RHOA: variants seen among roughly 807,000 people sequenced by gnomAD.
RHOA encodes ras homolog family member A.
In RHOA, 3 loss-of-function variants were observed where a neutral mutation model predicts 17.5. That is an observed-to-expected ratio of 0.17 (90% CI 0.08 to 0.44). The LOEUF (loss-of-function observed/expected upper bound fraction) is 0.44, where lower values mean the gene tolerates loss of function less well. RHOA is among the 20% of genes least tolerant of loss of function. The pLI is 0.99. For missense variants in RHOA, 56 were observed against 242.3 expected (o/e 0.23, Z 5.10); for synonymous variants, 98 against 88.4 (o/e 1.11, Z -0.61).
At chr3:49,368,980 T>G (rs1040826724) in intron 2 of RHOA, among the ~76,000 whole-genome samples, 3 of 144,976 alleles carry the variant, frequency 2.1e-5, no homozygotes, top group Non-Finnish European at 3.0e-5. Flanking sequence ...GTGTTGGGAT[T>G]GCAGGCGTGA....
At chr3:49,385,545 T>G (rs907246508) in intron 1 of RHOA, among the ~76,000 whole-genome samples, 1 of 152,114 alleles carries the variant, frequency 6.6e-6, no homozygotes, top group African/African-American at 2.4e-5. Context: ...CTCAGTTGTT[T>G]TTTTTATTTT....
chr3:49,405,126 C>A (rs2048805847), intron 1 of RHOA, among the ~76,000 whole-genome samples: 1 of 148,260 alleles, frequency 6.7e-6, no homozygotes, highest in African/African-American at 2.5e-5. Context: ...GGCGTGGTGG[C>A]GGGCACCTGT....
chr3:49,383,351 T>C (rs1439001272), intron 1 of RHOA, among the ~76,000 whole-genome samples: 1 of 143,622 alleles, frequency 7.0e-6, no homozygotes, highest in Non-Finnish European at 1.5e-5. Flanking sequence ...ACCCGGAAGG[T>C]GGAGCTTGCA....
intron 3 of RHOA, among the ~76,000 whole-genome samples, chr3:49,363,831 G>A (rs1449480666): frequency 6.6e-6 from 1 of 152,048 alleles, no homozygotes; most frequent in Non-Finnish European, 1.5e-5. Flanking sequence ...ACTCCAGCCT[G>A]GGCAACAGAG....
intron 1 of RHOA, among the ~76,000 whole-genome samples, chr3:49,410,160 T>C (rs2048908477): frequency 6.6e-6 from 1 of 152,192 alleles, no homozygotes; most frequent in African/African-American, 2.4e-5. Flanking sequence ...TGGAATAAGC[T>C]AGAAGTCCTG....
chr3:49,368,805 T>C (rs1215124334), intron 2 of RHOA, among the ~76,000 whole-genome samples: 1 of 150,926 alleles, frequency 6.6e-6, no homozygotes, highest in African/African-American at 2.4e-5. Context: ...TCTCCCGGGT[T>C]CACACCATTC....
intron 1 of RHOA, among the ~76,000 whole-genome samples, chr3:49,392,085 C>T (rs986581261): frequency 4.0e-5 from 6 of 151,824 alleles, no homozygotes; most frequent in South Asian, 2.1e-4. Flanking sequence ...CCTCAGCCCC[C>T]GCAAAGTGCT....
intron 1 of RHOA, among the ~76,000 whole-genome samples, chr3:49,404,203 C>T (rs1052133921): frequency 1.1e-4 from 17 of 147,838 alleles, no homozygotes; most frequent in East Asian, 4.0e-4. Context: ...CTAGGGAGGA[C>T]GAGGCGTAAG....
At chr3:49,366,458 C>T (rs1307523716) in intron 3 of RHOA, 1 of 152,112 alleles carries the variant, frequency 6.6e-6, no homozygotes, top group Non-Finnish European at 1.5e-5. Context: ...CAAAAATCAC[C>T]CAGGCGTGGG....
chr3:49,377,994 C>A (rs971597671), intron 1 of RHOA, among the ~76,000 whole-genome samples: 2 of 151,256 alleles, frequency 1.3e-5, no homozygotes, highest in Admixed American at 6.6e-5. Context: ...ACAAAAAATT[C>A]AAAACTTAGC....
chr3:49,400,754 G>A (rs898060458), intron 1 of RHOA, among the ~76,000 whole-genome samples: 3 of 151,454 alleles, frequency 2.0e-5, no homozygotes, highest in Non-Finnish European at 4.4e-5. Flanking sequence ...ATATAAAAGG[G>A]TTAATTTCCA....
intron 4 of RHOA, chr3:49,360,864 A>C (rs1183334864): frequency 3.8e-6 from 1 of 261,522 alleles, no homozygotes; most frequent in East Asian, 1.6e-4. Flanking sequence ...TCACGAGTTT[A>C]GGAGATCAAG....
intron 1 of RHOA, among the ~76,000 whole-genome samples, chr3:49,381,962 G>A (rs1440113823): frequency 6.6e-6 from 1 of 151,706 alleles, no homozygotes; most frequent in Non-Finnish European, 1.5e-5. Flanking sequence ...GAGGTGGGAA[G>A]ACAGCTAGAG....
chr3:49,394,241 C>T (rs1219033231), intron 1 of RHOA, among the ~76,000 whole-genome samples: 1 of 151,188 alleles, frequency 6.6e-6, no homozygotes, highest in African/African-American at 2.4e-5. Flanking sequence ...CCTGACCTCG[C>T]GATCTGCCTG....
intron 2 of RHOA, among the ~76,000 whole-genome samples, chr3:49,374,177 C>T (rs1193838703): frequency 1.3e-5 from 2 of 151,640 alleles, no homozygotes; most frequent in African/African-American, 2.4e-5. Flanking sequence ...GGTGAAACCC[C>T]GTCTCTACTA....
Position 49,375,428 on chromosome 3 carries a change from A to C in RHOA, c.156+6T>G, listed in dbSNP as rs2107849025. The C allele has an allele frequency of 6.2e-7, 1 of 1,605,906 alleles. No homozygotes were observed. Among genetic ancestry groups the C allele is most frequent in the South Asian group, 1.1e-5 (1 of 89,530 alleles). Reference sequence around the variant, plus strand: ...TGGCATCAGTTGTTATGAAAAGTATACTCACCTGCTTTCCATCCACCTCGA... The same window carrying C: ...TGGCATCAGTTGTTATGAAAAGTATCCTCACCTGCTTTCCATCCACCTCGA... On this transcript the variant is annotated splice_donor_region_variant and intron_variant, in intron 2 of 4. Transcript: ENST00000418115.
Position 49,360,379 on chromosome 3 carries a change from G to T in RHOA, c.412C>A (p.Pro138Thr). ...TCTCTGCCTTCTTCAGGTTTCACCG[G>T]CTCCTAGCAAAGAAAAAAAAATAGT... ...RRELAKMKQEPVKPEEGRDMA... is the reference protein window; with the variant it reads ...RRELAKMKQETVKPEEGRDMA... Residue 138 changes from proline to threonine, a missense_variant, in exon 5 of 5, where the codon CCG becomes ACG. By Grantham distance (38) the Pro-to-Thr change is conservative (BLOSUM62 -1). Around this residue, in one of 2 missense-constraint regions of RHOA, gnomAD observed 39 missense variants for 86.0 expected, o/e 0.45. Coordinates refer to ENST00000418115, the MANE Select transcript of RHOA (RefSeq NM_001664.4). The T allele has an allele frequency of 6.2e-7, 1 of 1,606,620 alleles. No individual in the cohort carries two copies. Among genetic ancestry groups the T allele is most frequent in the Non-Finnish European group, 8.5e-7 (1 of 1,177,778 alleles).
chr3:49,386,362 A>C (rs1559507767), intron 1 of RHOA, among the ~76,000 whole-genome samples: 1 of 152,192 alleles, frequency 6.6e-6, no homozygotes, highest in Non-Finnish European at 1.5e-5. Context: ...GAAAAATATA[A>C]GAAACAGCTA....
chr3:49,405,222 C>T (rs2048809537), intron 1 of RHOA, among the ~76,000 whole-genome samples: 1 of 144,428 alleles, frequency 6.9e-6, no homozygotes, highest in Non-Finnish European at 1.5e-5. Flanking sequence ...CGCGCCACTG[C>T]ACTCCAGCCT....
Sources: allele counts gnomAD v4.1 joint callset (sites outside exome capture counted in the v4.1 genomes callset), GRCh38; gene constraint gnomAD v4.1.1; regional missense constraint gnomAD v4.1.1; transcripts MANE v1.5; gene names NCBI Gene and HGNC (gene_info 2026-07-23, HGNC 2026-07-21).